The following SLC9B1 variants were observed in gnomAD, a reference collection of about 807,000 sequenced individuals.
SLC9B1 encodes the protein solute carrier family 9 member B1, also known as sodium/hydrogen exchanger 9B1.
Under a neutral mutation model 51.7 loss-of-function variants are expected in SLC9B1, and 32 were observed. The observed-to-expected ratio is 0.62, with a 90% CI of 0.47 to 0.83. The LOEUF is 0.83. Among genes scored for constraint, SLC9B1 ranks in the 40% least tolerant of loss-of-function variants. SLC9B1 has a pLI of 0.00. For synonymous variants in SLC9B1, 145 were observed against 212.7 expected (o/e 0.68, Z 2.77); for missense variants, 406 against 613.2 (o/e 0.66, Z 3.57).
At chr4:102,989,977 C>A (rs763171786) in intron 2 of SLC9B1, 36 bp from the exon 3 acceptor site, 1 of 1,513,374 alleles carries the variant, frequency 6.6e-7, no homozygotes, top group South Asian at 1.3e-5. Flanking sequence ...AGGAACCATA[C>A]TTTCTGTATA....
chr4:103,003,553 G>A (rs2110532293), intron 1 of SLC9B1, among the ~76,000 whole-genome samples: 1 of 152,248 alleles, frequency 6.6e-6, no homozygotes, highest in African/African-American at 2.4e-5. Context: ...TAGGGATGCT[G>A]CTGCCCTACT....
intron 1 of SLC9B1, among the ~76,000 whole-genome samples, chr4:103,003,828 G>C (rs558675038): frequency 6.6e-6 from 1 of 152,300 alleles, no homozygotes; most frequent in East Asian, 1.9e-4. Context: ...GCTGAGGAGA[G>C]CTCAGCTGAG....
chr4:103,013,929 G>T (rs991776480), intron 1 of SLC9B1, among the ~76,000 whole-genome samples: 5 of 152,088 alleles, frequency 3.3e-5, no homozygotes, highest in African/African-American at 1.2e-4. Context: ...CACCGTAATG[G>T]CTTTCCAACT....
chr4:102,890,217 T>C (rs1023785427), intron 11 of SLC9B1: 1 of 152,206 alleles, frequency 6.6e-6, no homozygotes, highest in African/African-American at 2.4e-5. Flanking sequence ...ATTCATTAAG[T>C]TGACTTTGTA....
At chr4:102,970,438 T>C (rs1234772288) in intron 3 of SLC9B1, among the ~76,000 whole-genome samples, 4 of 152,198 alleles carry the variant, frequency 2.6e-5, no homozygotes, top group Non-Finnish European at 5.9e-5. Context: ...AAGCAAATGC[T>C]GAGAGATTTT....
rs151201679 is a variant in SLC9B1 at position 102,902,986 on chromosome 4, T to G, written c.1333-1654A>C. ...AATTTAAATATTTGTTGATCTTATT[T>G]ACTTGTGACATTATCGTTATCTATT... On this transcript the variant is annotated intron_variant, in intron 11 of 11. Coordinates refer to ENST00000296422, the MANE Select transcript of SLC9B1 (RefSeq NM_139173.4). 4.5e-3 allele frequency among the ~76,000 whole-genome samples: 692 copies of G among 152,344 alleles called. 5 individuals are homozygous for G. The highest frequency in any genetic ancestry group is 6.5e-3 in the Non-Finnish European group (444 of 68,028).
intron 7 of SLC9B1, among the ~76,000 whole-genome samples, chr4:102,924,917 G>A (rs1578351332): frequency 6.6e-6 from 1 of 152,212 alleles, no homozygotes; most frequent in Non-Finnish European, 1.5e-5. Context: ...AGGTGCTGGA[G>A]AGGTTATGGA....
intron 9 of SLC9B1, among the ~76,000 whole-genome samples, chr4:102,908,616 A>G (rs928023475): frequency 6.6e-6 from 1 of 152,242 alleles, no homozygotes; most frequent in African/African-American, 2.4e-5. Context: ...AAAATATTAA[A>G]TGATAATATA....
At chr4:102,962,209 G>T in intron 3 of SLC9B1, 1 of 531,080 alleles carries the variant, frequency 1.9e-6, no homozygotes, top group South Asian at 1.4e-5. Context: ...AGTCAGCAAA[G>T]GTAGTTGACA....
intron 1 of SLC9B1, among the ~76,000 whole-genome samples, chr4:103,006,543 AC>A (rs1740796575): frequency 6.6e-6 from 1 of 152,224 alleles, no homozygotes; most frequent in Non-Finnish European, 1.5e-5. Context: ...AGAATGATTC[AC>A]AGCCAAATTC....
intron 4 of SLC9B1, among the ~76,000 whole-genome samples, chr4:102,949,039 T>G (rs1284302133): frequency 6.6e-6 from 1 of 152,104 alleles, no homozygotes; most frequent in Non-Finnish European, 1.5e-5. Flanking sequence ...AAAAATAAAT[T>G]TTGGATAAAA....
At chr4:102,961,475 T>C (rs1481560481) in intron 3 of SLC9B1, among the ~76,000 whole-genome samples, 11 of 152,296 alleles carry the variant, frequency 7.2e-5, no homozygotes, top group Admixed American at 2.0e-4. Flanking sequence ...TGCATTCTGC[T>C]ATTTTTAGCA....
At chr4:102,894,803 A>G (rs552407804) in intron 11 of SLC9B1, among the ~76,000 whole-genome samples, 2 of 152,036 alleles carry the variant, frequency 1.3e-5, no homozygotes, top group Admixed American at 1.3e-4. Context: ...CCAAAACAAA[A>G]AGCTAGTTGG....
chr4:103,000,210 T>G (rs1278619073), intron 1 of SLC9B1, among the ~76,000 whole-genome samples: 1 of 152,182 alleles, frequency 6.6e-6, no homozygotes, highest in Non-Finnish European at 1.5e-5. Flanking sequence ...CAAACCATAC[T>G]GTTCTGCCCT....
intron 6 of SLC9B1, among the ~76,000 whole-genome samples, chr4:102,941,664 C>CTGA (rs1553981712): frequency 3.2e-5 from 4 of 126,724 alleles, no homozygotes; most frequent in Non-Finnish European, 6.2e-5. Flanking sequence ...AAAAAAAACC[C>CTGA]GAGAGAGAGA....
At chr4:102,893,298 AAAAAAAAG>A (rs1734360109) in intron 11 of SLC9B1, among the ~76,000 whole-genome samples, 1 of 147,952 alleles carries the variant, frequency 6.8e-6, no homozygotes, top group Non-Finnish European at 1.5e-5. Flanking sequence ...AAAAAAAAAA[AAAAAAAAG>A]AAAAAGAAAA....
chr4:102,974,266 A>AAAAAAAAAAC (rs1738938525), intron 3 of SLC9B1, among the ~76,000 whole-genome samples: 1 of 142,420 alleles, frequency 7.0e-6, no homozygotes, highest in African/African-American at 2.6e-5. Context: ...AAAAAAAAAA[A>AAAAAAAAAAC]TCGGAGTAAA....
At chr4:102,981,224 A>G (rs1739339708) in intron 3 of SLC9B1, among the ~76,000 whole-genome samples, 1 of 152,132 alleles carries the variant, frequency 6.6e-6, no homozygotes, top group East Asian at 1.9e-4. Context: ...TAGATGTACC[A>G]CAGTTTATTT....
intron 6 of SLC9B1, among the ~76,000 whole-genome samples, chr4:102,934,361 C>T (rs1245104341): frequency 6.6e-6 from 1 of 152,084 alleles, no homozygotes; most frequent in African/African-American, 2.4e-5. Flanking sequence ...TTTGTTACAT[C>T]ATACAATTGG....
Sources: gnomAD v4.1 joint callset for allele counts (sites outside exome capture counted in the v4.1 genomes callset) on GRCh38, gnomAD v4.1.1 for gene constraint, MANE v1.5 for transcripts, NCBI Gene and HGNC (gene_info 2026-07-23, HGNC 2026-07-21) for gene names.